MAPRE2: variants seen among roughly 807,000 people sequenced by gnomAD.
MAPRE2 encodes the protein microtubule associated protein RP/EB family member 2, also known as microtubule-associated protein RP/EB family member 2.
MAPRE2 carries 13 observed loss-of-function variants against 43.2 expected under a neutral mutation model. The observed-to-expected ratio is 0.30, with a 90% CI of 0.20 to 0.48. MAPRE2 has a LOEUF of 0.48. MAPRE2 is among the 20% of genes least tolerant of loss of function. MAPRE2 has a pLI of 0.99. For synonymous variants in MAPRE2, 135 were observed against 148.8 expected, an observed-to-expected ratio of 0.91 and a Z score of 0.68; for missense variants, 161 against 400.2, an observed-to-expected ratio of 0.40 and a Z score of 5.10.
chr18:35,078,581 T>C (rs574524434), intron 2 of MAPRE2, among the ~76,000 whole-genome samples: 2 of 152,292 alleles, frequency 1.3e-5, no homozygotes, highest in South Asian at 4.1e-4. Context: ...ATAATGAGAA[T>C]TGAGGTGTCC....
At chr18:35,114,691 C>T (rs1442695364) in intron 4 of MAPRE2, among the ~76,000 whole-genome samples, 1 of 152,202 alleles carries the variant, frequency 6.6e-6, no homozygotes, top group Non-Finnish European at 1.5e-5. Context: ...TCACACAGAG[C>T]TCTGCAGAGG....
chr18:35,024,884 A>C (rs1389767162), intron 2 of MAPRE2, among the ~76,000 whole-genome samples: 1 of 152,174 alleles, frequency 6.6e-6, no homozygotes, highest in Non-Finnish European at 1.5e-5. Context: ...AGCTATTAAT[A>C]CAATGATGAA....
intron 1 of MAPRE2, among the ~76,000 whole-genome samples, chr18:35,060,188 G>A (rs1486470514): frequency 1.3e-5 from 2 of 152,178 alleles, no homozygotes; most frequent in African/African-American, 2.4e-5. Context: ...CTGGGATCAT[G>A]GGAAAGAGCT....
At chr18:35,063,361 C>T (rs1357164025) in intron 1 of MAPRE2, among the ~76,000 whole-genome samples, 2 of 152,038 alleles carry the variant, frequency 1.3e-5, no homozygotes, top group Non-Finnish European at 2.9e-5. Context: ...CCCGCCTTGT[C>T]CTCCCAAAGT....
rs1156899232 is a variant in MAPRE2 at position 35,079,940 on chromosome 18, C to T, written c.250+9618C>T. 3.3e-5 allele frequency among the ~76,000 whole-genome samples: 5 copies of T among 152,150 alleles called. No homozygotes were observed. In the East Asian group the frequency reaches 9.6e-4, roughly 29 times the overall value. ...CATTGCATGTGTAAGACATCTGTAACATTAAAATTCAAGGCAGCGAAAGAG... is the reference window on the plus strand; with the variant it reads ...CATTGCATGTGTAAGACATCTGTAATATTAAAATTCAAGGCAGCGAAAGAG... On this transcript the variant is annotated intron_variant, in intron 2 of 6. Coordinates refer to ENST00000300249, the MANE Select transcript of MAPRE2 (RefSeq NM_014268.4).
chr18:35,062,692 A>G (rs1266938718), intron 1 of MAPRE2, among the ~76,000 whole-genome samples: 2 of 152,188 alleles, frequency 1.3e-5, no homozygotes, highest in African/African-American at 2.4e-5. Context: ...CTTTGAAAGG[A>G]TCTCAAACAC....
At chr18:35,049,671 G>T (rs1051039296) in intron 1 of MAPRE2, among the ~76,000 whole-genome samples, 2 of 152,164 alleles carry the variant, frequency 1.3e-5, no homozygotes, top group Admixed American at 1.3e-4. Flanking sequence ...GTTTTTTGCT[G>T]AGGTGTGGCT....
At chr18:35,109,449 T>G (rs748438187) in intron 4 of MAPRE2, among the ~76,000 whole-genome samples, 1 of 152,206 alleles carries the variant, frequency 6.6e-6, no homozygotes, top group Non-Finnish European at 1.5e-5. Flanking sequence ...GGGTCTTCTT[T>G]GATTCCATAT....
At chr18:35,008,927 A>G (rs985473336) in intron 2 of MAPRE2, among the ~76,000 whole-genome samples, 1 of 151,930 alleles carries the variant, frequency 6.6e-6, no homozygotes, top group South Asian at 2.1e-4. Context: ...CTAACTGTAA[A>G]GCACTGTGCT....
intron 4 of MAPRE2, among the ~76,000 whole-genome samples, chr18:35,121,759 A>G (rs913031930): frequency 6.6e-6 from 1 of 152,204 alleles, no homozygotes; most frequent in Non-Finnish European, 1.5e-5. Context: ...AAGTCAAATC[A>G]CTGATGGAGT....
Position 35,045,120 on chromosome 18 carries a change from T to A in MAPRE2, c.122+3459T>A, listed in dbSNP as rs549301830. 2.0e-5 allele frequency among the ~76,000 whole-genome samples: 3 copies of A among 152,340 alleles called. No individual in the cohort carries two copies. The South Asian group carries it at 6.2e-4, about 32-fold the overall frequency. On this transcript the variant is annotated intron_variant, in intron 1 of 6. Coordinates refer to ENST00000300249, the MANE Select transcript of MAPRE2 (RefSeq NM_014268.4). ...TGTGATTTCCTTCTCAGCCTCAGCT[T>A]CCTCACTGTGTTTATGAATGCTAGA...
At chr18:35,018,262 G>A (rs548680868) in intron 2 of MAPRE2, among the ~76,000 whole-genome samples, 1 of 151,952 alleles carries the variant, frequency 6.6e-6, no homozygotes, top group South Asian at 2.1e-4. Flanking sequence ...ATATTGGCAT[G>A]TAGTTTTCTT....
At chr18:34,987,657 T>A (rs1438176291) in intron 1 of MAPRE2, among the ~76,000 whole-genome samples, 1 of 152,148 alleles carries the variant, frequency 6.6e-6, no homozygotes, top group Non-Finnish European at 1.5e-5. Context: ...AAATATTATT[T>A]TTTGAGACAG....
chr18:34,996,208 C>T (rs932277157), intron 1 of MAPRE2, among the ~76,000 whole-genome samples: 4 of 152,084 alleles, frequency 2.6e-5, no homozygotes, highest in East Asian at 1.9e-4. Context: ...ATTACCTCGG[C>T]GGTCCTAAAC....
intron 2 of MAPRE2, among the ~76,000 whole-genome samples, chr18:35,009,132 C>T (rs886918358): frequency 2.0e-5 from 3 of 151,938 alleles, no homozygotes; most frequent in African/African-American, 7.3e-5. Flanking sequence ...ATGTAAACGA[C>T]TTTAGTAAGA....
At chr18:35,005,125 C>T (rs1451848225) in intron 1 of MAPRE2, among the ~76,000 whole-genome samples, 1 of 152,146 alleles carries the variant, frequency 6.6e-6, no homozygotes, top group East Asian at 1.9e-4. Flanking sequence ...TGATACCCCA[C>T]TAGAGGCACT....
intron 4 of MAPRE2, among the ~76,000 whole-genome samples, chr18:35,114,193 T>C (rs1281864808): frequency 6.6e-6 from 1 of 152,176 alleles, no homozygotes; most frequent in African/African-American, 2.4e-5. Flanking sequence ...GGATGTGGTC[T>C]TGTTTTCTCC....
At chr18:35,112,468 G>A (rs982437471) in intron 4 of MAPRE2, among the ~76,000 whole-genome samples, 1 of 152,080 alleles carries the variant, frequency 6.6e-6, no homozygotes, top group Non-Finnish European at 1.5e-5. Context: ...ACCACACCCG[G>A]CAGAACATTG....
chr18:35,127,025 A>G lies in MAPRE2; in HGVS notation c.688A>G (p.Ser230Gly). The G allele has an allele frequency of 6.2e-7, 1 of 1,614,176 alleles. No individual in the cohort carries two copies. Among genetic ancestry groups the G allele is most frequent in the South Asian group, 1.1e-5 (1 of 91,078 alleles). Reference sequence around the variant, plus strand: ...CTCATCAGCCAAAAGGGCTTCTTCCAGTGGCTCAGCATCCAAATCCGATAA... The same window carrying G: ...CTCATCAGCCAAAAGGGCTTCTTCCGGTGGCTCAGCATCCAAATCCGATAA... Reference protein sequence around the residue: ...RPSSAKRASSSGSASKSDKDL... With the variant: ...RPSSAKRASSGGSASKSDKDL... The change falls in exon 5 of 7, where the codon AGT becomes GGT. Residue 230 changes from serine to glycine, a missense_variant. Coordinates refer to ENST00000300249, the MANE Select transcript of MAPRE2 (RefSeq NM_014268.4).
Sources: gnomAD v4.1 joint callset for allele counts (sites outside exome capture counted in the v4.1 genomes callset) on GRCh38, gnomAD v4.1.1 for gene constraint, MANE v1.5 for transcripts, NCBI Gene and HGNC (gene_info 2026-07-23, HGNC 2026-07-21) for gene names.